TMLHE: variants seen among roughly 807,000 people sequenced by gnomAD.
TMLHE encodes the protein trimethyllysine hydroxylase, epsilon, also known as trimethyllysine dioxygenase, mitochondrial.
TMLHE carries 18 observed loss-of-function variants against 25.7 expected under a neutral mutation model. The observed-to-expected ratio is 0.70, with a 90% CI of 0.48 to 1.04. The LOEUF (loss-of-function observed/expected upper bound fraction) is 1.04. TMLHE is among the 50% of genes least tolerant of loss of function. The pLI is 0.00. For missense variants in TMLHE, 236 were observed against 259.0 expected (o/e 0.91, Z 0.61); for synonymous variants, 105 against 97.0 (o/e 1.08, Z -0.49).
At chrX:155,516,014 T>TC (rs1231595426) in intron 3 of TMLHE, among the ~76,000 whole-genome samples, 5 of 86,716 alleles carry the variant, frequency 5.8e-5, no homozygotes, top group African/African-American at 2.0e-4. Context: ...ACTTTTCTTC[T>TC]TTTTTTTTTT....
chrX:155,578,516 G>A (rs1260574555), intron 1 of TMLHE, among the ~76,000 whole-genome samples: 10 of 111,741 alleles, frequency 8.9e-5, no homozygotes, highest in African/African-American at 3.3e-4. Context: ...CATATCACCT[G>A]TGTGCCAGGA....
In TMLHE at chrX:155,580,059, T is replaced by G. The variant is rs193015400; in HGVS notation, c.-2+32733A>C. On this transcript the variant is annotated intron_variant, in intron 1 of 7. Transcript: ENST00000334398. ...AACCTGGAGAATGGGAGAAAAATAT[T>G]TGCAAACGATGCATCCAACATGAAC... Among the ~76,000 whole-genome samples, 224 of 111,590 alleles carry G rather than the reference T, an allele frequency of 2.0e-3. 2 individuals are homozygous for G. Among genetic ancestry groups the G allele is most frequent in the Admixed American group, 0.017 (180 of 10,489 alleles).
intron 1 of TMLHE, among the ~76,000 whole-genome samples, chrX:155,549,538 A>G (rs781821920): frequency 6.3e-5 from 7 of 110,348 alleles, no homozygotes; most frequent in African/African-American, 2.3e-4. Context: ...TTGACTTCCT[A>G]TGTTAAAACA....
At chrX:155,505,915 G>A (rs938960353) in intron 6 of TMLHE, among the ~76,000 whole-genome samples, 8 of 111,032 alleles carry the variant, frequency 7.2e-5, no homozygotes, top group South Asian at 3.7e-4. Flanking sequence ...AAGCAGGAGC[G>A]GTAATCCATC....
intron 1 of TMLHE, among the ~76,000 whole-genome samples, chrX:155,606,446 T>C (rs781944429): frequency 9.0e-6 from 1 of 111,570 alleles, no homozygotes; most frequent in South Asian, 3.7e-4. Context: ...TAGAAATCTA[T>C]ACCAAGAAGA....
intron 1 of TMLHE, among the ~76,000 whole-genome samples, chrX:155,599,752 T>C (rs1472097451): frequency 9.0e-6 from 1 of 111,019 alleles, no homozygotes; most frequent in Non-Finnish European, 1.9e-5. Flanking sequence ...TCTAGTAGAG[T>C]TGAGGATATG....
At chrX:155,559,109 C>T (rs1250354864) in intron 1 of TMLHE, among the ~76,000 whole-genome samples, 1 of 111,705 alleles carries the variant, frequency 9.0e-6, no homozygotes, top group Non-Finnish European at 1.9e-5. Context: ...AAGCACCTTT[C>T]CTATTTTCCT....
chrX:155,553,857 T>C (rs1218816553), intron 1 of TMLHE, among the ~76,000 whole-genome samples: 1 of 110,724 alleles, frequency 9.0e-6, no homozygotes, highest in African/African-American at 3.3e-5. Context: ...CATATATATA[T>C]GACATATTAA....
intron 1 of TMLHE, among the ~76,000 whole-genome samples, chrX:155,568,033 C>G (rs1475313584): frequency 1.7e-5 from 1 of 60,460 alleles, no homozygotes; most frequent in African/African-American, 3.8e-5. Flanking sequence ...CAGGGCGAGG[C>G]ATTGCCTCAC....
At chrX:155,545,994 C>T (rs1339038677) in intron 1 of TMLHE, among the ~76,000 whole-genome samples, 2 of 109,935 alleles carry the variant, frequency 1.8e-5, no homozygotes, top group Admixed American at 2.0e-4. Flanking sequence ...TTCTGGGTCT[C>T]TCTGCTTGTG....
chrX:155,607,138 A>T (rs2067791989), intron 1 of TMLHE, among the ~76,000 whole-genome samples: 1 of 111,797 alleles, frequency 8.9e-6, no homozygotes, highest in Non-Finnish European at 1.9e-5. Context: ...TCATGCTGAT[A>T]CCAAAACCTG....
intron 3 of TMLHE, among the ~76,000 whole-genome samples, chrX:155,522,317 C>A (rs782801402): frequency 1.8e-5 from 2 of 111,511 alleles, no homozygotes; most frequent in African/African-American, 6.5e-5. Flanking sequence ...ATGAGCTCTT[C>A]CCCTTCCTTG....
At chrX:155,597,256 C>T (rs782553715) in intron 1 of TMLHE, among the ~76,000 whole-genome samples, 32 of 110,593 alleles carry the variant, frequency 2.9e-4, no homozygotes, top group African/African-American at 7.9e-4. Flanking sequence ...TGCTCATCAT[C>T]ACTGGCCATC....
At chrX:155,575,980 A>G (rs1297498569) in intron 1 of TMLHE, among the ~76,000 whole-genome samples, 2 of 111,980 alleles carry the variant, frequency 1.8e-5, no homozygotes, top group Non-Finnish European at 3.8e-5. Context: ...TCAACATAGT[A>G]CTGGGAGTCT....
At chrX:155,524,680 A>T (rs782770535) in intron 2 of TMLHE, 48 bp from the exon 3 acceptor site, 78 of 1,084,235 alleles carry the variant, frequency 7.2e-5, no homozygotes, top group Non-Finnish European at 9.0e-5. Context: ...AGATAACTTT[A>T]AAAAATCAGC....
At chrX:155,582,639 T>G (rs781852397) in intron 1 of TMLHE, among the ~76,000 whole-genome samples, 1 of 111,867 alleles carries the variant, frequency 8.9e-6, no homozygotes, top group African/African-American at 3.2e-5. Flanking sequence ...TTCACACCAG[T>G]TAGAATGGCG....
chrX:155,573,168 C>T lies in TMLHE; in HGVS notation c.-1-27891G>A, dbSNP rs1407860760. 2.8e-4 allele frequency among the ~76,000 whole-genome samples: 16 copies of T among 57,359 alleles called. 3 individuals carry two copies. The highest frequency in any genetic ancestry group is 6.1e-4 in the Admixed American group (3 of 4,932). The allele number at this position is 57,359 out of a possible 115,157, so 49.8% of individuals were successfully genotyped here. A position where few individuals can be genotyped will look rare whatever the true frequency, so the allele number is the denominator to read the frequency against. The stretch of plus-strand genomic sequence containing the variant: ...ACAAACAACCCCATCAAAAAGTGGG[C>T]GAAGGATATGAACAGACACTTCTCA... On this transcript the variant is annotated intron_variant, in intron 1 of 7. Coordinates refer to ENST00000334398, the MANE Select transcript of TMLHE (RefSeq NM_018196.4).
In TMLHE at chrX:155,603,385, A is replaced by T. The variant is rs782121137; in HGVS notation, c.-2+9407T>A. ...AAGAAAGAATGAAAGAAAGAAAGAA[A>T]GAAAGAAAGAAAGAAAGAAAGAAAG... On this transcript the variant is annotated intron_variant, in intron 1 of 7. Transcript: ENST00000334398. 1.4e-3 allele frequency among the ~76,000 whole-genome samples: 150 copies of T among 110,052 alleles called. 2 individuals carry two copies. The highest frequency in any genetic ancestry group is 4.5e-3 in the East Asian group (16 of 3,525).
chrX:155,583,256 G>A (rs2067642999), intron 1 of TMLHE, among the ~76,000 whole-genome samples: 1 of 111,172 alleles, frequency 9.0e-6, no homozygotes, highest in African/African-American at 3.3e-5. Context: ...CACCAACATG[G>A]CACATGTATA....
Sources: gnomAD v4.1 joint callset for allele counts (sites outside exome capture counted in the v4.1 genomes callset) on GRCh38, gnomAD v4.1.1 for gene constraint, MANE v1.5 for transcripts, NCBI Gene and HGNC (gene_info 2026-07-23, HGNC 2026-07-21) for gene names.